The following NPAS1 variants were observed in gnomAD, a reference collection of about 807,000 sequenced individuals.
The protein encoded by NPAS1 is neuronal PAS domain protein 1, also known as neuronal PAS domain-containing protein 1.
NPAS1 carries 29 observed loss-of-function variants against 49.2 expected under a neutral mutation model. That is an observed-to-expected ratio of 0.59 (90% confidence interval 0.44 to 0.80). The LOEUF (loss-of-function observed/expected upper bound fraction) is 0.80. Among genes scored for constraint, NPAS1 ranks in the 30% least tolerant of loss-of-function variants. The probability of loss-of-function intolerance (pLI) is 0.00; values close to 1 mark genes in which losing one functional copy is unlikely to be tolerated. For missense variants in NPAS1, 825 were observed against 835.5 expected (o/e 0.99, Z 0.15); for synonymous variants, 408 against 380.4 (o/e 1.07, Z -0.84).
chr19:47,044,945 G>C (rs1316432004), intron 11 of NPAS1, among the ~76,000 whole-genome samples: 1 of 152,158 alleles, frequency 6.6e-6, no homozygotes, highest in East Asian at 1.9e-4. Flanking sequence ...CAGGAGAATA[G>C]CTTGAACCCC....
chr19:47,022,602 A>G (rs1442935864), intron 3 of NPAS1, among the ~76,000 whole-genome samples: 4 of 132,994 alleles, frequency 3.0e-5, no homozygotes, highest in Non-Finnish European at 6.4e-5. Context: ...GGTTCGGGGC[A>G]TGGAGGAGGG....
At chr19:47,045,039 C>CA (rs1248738758) in intron 11 of NPAS1, 152 bp from the exon 12 acceptor site, 2 of 809,014 alleles carry the variant, frequency 2.5e-6, no homozygotes, top group Non-Finnish European at 3.8e-6. Flanking sequence ...CACAAAAAAA[C>CA]AAAAAACAAA....
intron 5 of NPAS1, among the ~76,000 whole-genome samples, chr19:47,033,387 T>C (rs1037708900): frequency 3.9e-5 from 6 of 152,066 alleles, no homozygotes; most frequent in African/African-American, 1.2e-4. Context: ...ATTACAGACA[T>C]GCACCACCAC....
At chr19:47,026,969 G>A (rs1599896330) in intron 3 of NPAS1, among the ~76,000 whole-genome samples, 1 of 151,252 alleles carries the variant, frequency 6.6e-6, no homozygotes, top group South Asian at 2.1e-4. Flanking sequence ...AAAAAAAAGA[G>A]AGAGAGAGAA....
At chr19:47,032,153 C>T in intron 3 of NPAS1, 125 bp from the exon 4 acceptor site, 1 of 815,020 alleles carries the variant, frequency 1.2e-6, no homozygotes. Context: ...CCATGGGTGC[C>T]CAGATACCCC....
intron 9 of NPAS1, 188 bp downstream of exon 9, chr19:47,040,738 T>TG (rs67047644): frequency 0.088 from 43,198 of 490,312 alleles, 702 homozygotes; most frequent in South Asian, 0.12. Flanking sequence ...GATGTGTGTG[T>TG]GGGGGGGGGG....
intron 6 of NPAS1, 135 bp downstream of exon 6, chr19:47,036,264 A>G (rs1415075514): frequency 4.1e-6 from 4 of 972,486 alleles, no homozygotes; most frequent in Non-Finnish European, 6.1e-6. Flanking sequence ...TTGCAAAAGG[A>G]ATCGGAGTAT....
rs368612113 is a variant in NPAS1 at position 47,026,646 on chromosome 19, T to C, written c.358+4799T>C. Among the ~76,000 whole-genome samples the C allele has an allele frequency of 3.5e-4, 53 of 152,178 alleles. 2 individuals carry two copies. The East Asian group carries it at 8.5e-3, about 24-fold the overall frequency. On this transcript the variant is annotated intron_variant, in intron 3 of 11. Coordinates refer to ENST00000602212, the MANE Select transcript of NPAS1 (RefSeq NM_002517.4). Reference sequence around the variant, plus strand: ...AAAAGGCAGTGGTGCCCTGATGTTATCTGTAGTCATACTGAAAAGAAAAGT... The same window carrying C: ...AAAAGGCAGTGGTGCCCTGATGTTACCTGTAGTCATACTGAAAAGAAAAGT...
At chr19:47,040,021 G>GTGGT (rs1331188698) in intron 8 of NPAS1, among the ~76,000 whole-genome samples, 1 of 151,940 alleles carries the variant, frequency 6.6e-6, no homozygotes, top group Non-Finnish European at 1.5e-5. Flanking sequence ...ACACTGTTTT[G>GTGGT]TGGTTTGTTT....
chr19:47,034,373 T>C (rs2122497748), intron 5 of NPAS1, among the ~76,000 whole-genome samples: 1 of 150,706 alleles, frequency 6.6e-6, no homozygotes, highest in East Asian at 2.0e-4. Flanking sequence ...CTTGGAGCCC[T>C]GGCATCTCAC....
chr19:47,043,997 T>A (rs1378401189), intron 11 of NPAS1, among the ~76,000 whole-genome samples: 1 of 149,874 alleles, frequency 6.7e-6, no homozygotes, highest in Admixed American at 6.6e-5. Context: ...GCCCGGGAGT[T>A]AGAGGCTGCA....
chr19:47,022,662 T>G (rs1267841233), intron 3 of NPAS1, among the ~76,000 whole-genome samples: 5 of 152,220 alleles, frequency 3.3e-5, no homozygotes, highest in Non-Finnish European at 5.9e-5. Flanking sequence ...CTGGCACTTT[T>G]CTGAGCGCTG....
chr19:47,034,615 G>A (rs2056933640), intron 5 of NPAS1, among the ~76,000 whole-genome samples: 1 of 152,100 alleles, frequency 6.6e-6, no homozygotes, highest in South Asian at 2.1e-4. Context: ...GGTGGCTCAC[G>A]CCTGTAATCC....
At chr19:47,023,837 T>C (rs1420000576) in intron 3 of NPAS1, among the ~76,000 whole-genome samples, 2 of 152,128 alleles carry the variant, frequency 1.3e-5, no homozygotes, top group Admixed American at 1.3e-4. Context: ...CTGGGCACGG[T>C]GGCTCACACC....
intron 5 of NPAS1, among the ~76,000 whole-genome samples, chr19:47,033,089 A>G (rs1041512126): frequency 1.3e-5 from 2 of 151,754 alleles, no homozygotes; most frequent in African/African-American, 4.8e-5. Flanking sequence ...ACAGGCGCCC[A>G]CCACACCCGG....
chr19:47,035,913 T>C lies in NPAS1; in HGVS notation c.523-51T>C. The C allele has an allele frequency of 2.7e-6, 4 of 1,462,172 alleles. No individual in the cohort carries two copies. The Admixed American group carries it at 8.3e-5, about 30-fold the overall frequency. The allele number at this position is 1,462,172 out of a possible 1,614,324, so 90.6% of individuals were successfully genotyped here. A position where few individuals can be genotyped will look rare whatever the true frequency, so the allele number is the denominator to read the frequency against. On this transcript the variant is annotated intron_variant, in intron 5 of 11. Coordinates refer to ENST00000602212, the MANE Select transcript of NPAS1 (RefSeq NM_002517.4). ...GGCTGAGCCCAGAGGGCGAGCGAGT[T>C]ACTGCGCGCGCACCTCACCCGCCCC...
chr19:47,044,011 C>T (rs1188981459), intron 11 of NPAS1, among the ~76,000 whole-genome samples: 4 of 149,446 alleles, frequency 2.7e-5, no homozygotes, highest in Admixed American at 6.6e-5. Context: ...GGCTGCAGTG[C>T]GCTGTGACAG....
chr19:47,021,656 C>T lies in NPAS1; in HGVS notation c.167C>T (p.Ser56Leu). 1.3e-6 allele frequency: 2 copies of T among 1,554,406 alleles called. No individual in the cohort carries two copies. The highest frequency in any genetic ancestry group is 2.5e-5 in the East Asian group (1 of 40,644). The change falls in exon 3 of 12, where the codon TCG (serine) becomes TTG (leucine). Residue 56 changes from serine (S) to leucine (L), a missense_variant. Coordinates refer to ENST00000602212, the MANE Select transcript of NPAS1 (RefSeq NM_002517.4). The surrounding 1 kb of genome is among the most constrained non-coding windows in gnomAD (Gnocchi z 5.7). ...GAGAAGTCCCGGAACGCGGCGCGCT[C>T]GCGGCGCGGGAAGGAGAACCTGGAG... ...RKEKSRNAAR[S>L]RRGKENLEFF... is the part of the protein sequence containing the mutation.
In NPAS1 at chr19:47,040,461, A is replaced by G. The variant is rs1268045743; in HGVS notation, c.980A>G (p.Asp327Gly). The G allele has an allele frequency of 1.3e-6, 2 of 1,599,628 alleles. No individual in the cohort carries two copies. The highest frequency in any genetic ancestry group is 2.7e-5 in the African/African-American group (2 of 74,638). The change falls in exon 9 of 12, where the codon GAC becomes GGC. Residue 327 changes from aspartate to glycine, a missense_variant. By Grantham distance (94) the Asp-to-Gly change is moderately conservative. Coordinates refer to ENST00000602212, the MANE Select transcript of NPAS1 (RefSeq NM_002517.4). ...ACESRVSDHM[D>G]LGPSELVGRS... ...CCCCCCAGAGTCAGCGACCACATGG[A>G]CCTGGGGCCCTCAGAGCTGGTGGGC... is the stretch of plus-strand genomic sequence containing the variant.
Sources: gnomAD v4.1 joint callset for allele counts (sites outside exome capture counted in the v4.1 genomes callset) on GRCh38, gnomAD v4.1.1 for gene constraint, Gnocchi (gnomAD v3.1) non-coding constraint, MANE v1.5 for transcripts, NCBI Gene and HGNC (gene_info 2026-07-23, HGNC 2026-07-21) for gene names.